Variants in SPNS1 observed in about 807,000 individuals in gnomAD.
SPNS1 encodes SPNS lysolipid transporter 1, lysophospholipid, also known as protein spinster homolog 1.
A neutral mutation model predicts 50.3 loss-of-function variants in SPNS1; 22 were observed. The ratio of observed to expected loss-of-function variants is 0.44; its 90% CI spans 0.31 to 0.62. SPNS1 has a LOEUF of 0.62. SPNS1 is among the 20% of genes least tolerant of loss of function. SPNS1 has a pLI of 0.07. For synonymous variants in SPNS1, 295 were observed against 317.4 expected (o/e 0.93, Z 0.75); for missense variants, 576 against 728.6 (o/e 0.79, Z 2.41).
At position 28,981,846 on chromosome 16, in the gene SPNS1, C is replaced by G; in HGVS notation, c.810-55C>G. 1.2e-6 allele frequency: 2 copies of G among 1,602,256 alleles called. No homozygotes were observed. The highest frequency in any genetic ancestry group is 1.7e-6 in the Non-Finnish European group (2 of 1,171,308). On this transcript the variant is annotated intron_variant, in intron 6 of 11. Transcript: ENST00000311008. The surrounding 1 kb of genome is among the most constrained non-coding windows in gnomAD (Gnocchi z 4.2). ...GCCAGGAAGGGAGAAGAGAGGTCCC[C>G]TCCTGCCTCGACACCTCCGTGGGGT...
Position 28,981,392 on chromosome 16 carries a change from T to G in SPNS1, c.664-78T>G. Reference sequence around the variant, plus strand: ...TTTTAGGTCTCAGGCTGGAGTTATCTGTACCCCACACTCTCCTCCAGCCCA... The same window carrying G: ...TTTTAGGTCTCAGGCTGGAGTTATCGGTACCCCACACTCTCCTCCAGCCCA... On this transcript the variant is annotated intron_variant, in intron 5 of 11. Coordinates refer to ENST00000311008, the MANE Select transcript of SPNS1 (RefSeq NM_032038.3). The surrounding 1 kb of genome is among the most constrained non-coding windows in gnomAD (Gnocchi z 4.2). The G allele has an allele frequency of 6.3e-7, 1 of 1,578,296 alleles. No individual in the cohort carries two copies.
intron 2 of SPNS1, among the ~76,000 whole-genome samples, chr16:28,976,211 G>T (rs1965337244): frequency 6.6e-6 from 1 of 152,222 alleles, no homozygotes; most frequent in South Asian, 2.1e-4. Context: ...GGCAGAGGTT[G>T]CAGTGAGCCG....
Position 28,975,385 on chromosome 16 carries a change from C to G in SPNS1, c.234C>G (p.Thr78=). ...INLLNYMDRF[T]VAGVLPDIEQ... ...TCCTGAACTACATGGACCGCTTCAC[C>G]GTGGCTGGTAGGGACTCACTTCTGG... The change falls in exon 1 of 12, where the codon ACC becomes ACG. Residue 78 remains threonine (T), a synonymous_variant. Transcript: ENST00000311008. The G allele has an allele frequency of 1.2e-6, 2 of 1,611,460 alleles. No homozygotes were observed. Among genetic ancestry groups the G allele is most frequent in the Non-Finnish European group, 1.7e-6 (2 of 1,178,138 alleles).
Position 28,982,526 on chromosome 16 carries a change from G to A in SPNS1, c.1136G>A (p.Gly379Asp). ...TTCCTGTCCCTTGCCTGCGCCCGTG[G>A]TAGCATCGTGGCCACTTATGTGAGT... The part of the protein sequence containing the change: ...FLFLSLACAR[G>D]SIVATYIFIF... The change falls in exon 8 of 12, where the codon GGT (glycine) becomes GAT (aspartate). Residue 379 changes from glycine (G) to aspartate (D), a missense_variant. By Grantham distance (94) the Gly-to-Asp change is moderately conservative. Coordinates refer to ENST00000311008, the MANE Select transcript of SPNS1 (RefSeq NM_032038.3). 4 of 1,610,194 alleles carry A rather than the reference G, an allele frequency of 2.5e-6. No individual in the cohort carries two copies. Among genetic ancestry groups the A allele is most frequent in the Non-Finnish European group, 3.4e-6 (4 of 1,178,058 alleles).
rs778869803 is a variant in SPNS1, at chr16:28,982,374, C to T, written c.984C>T (p.Ile328=). 5 of 1,599,356 alleles carry T rather than the reference C, an allele frequency of 3.1e-6. No individual in the cohort carries two copies. The highest frequency in any genetic ancestry group is 3.4e-6 in the Non-Finnish European group (4 of 1,171,150). ...CCCCTAGTCTCATCTTTGGACTCAT[C>T]ACCTGCCTGACCGGAGTCCTGGGTG... ...SSSDSLIFGL[I]TCLTGVLGVG... is the part of the protein sequence containing the mutation. Residue 328 remains isoleucine (I), a synonymous_variant, in exon 8 of 12, where the codon ATC becomes ATT. Transcript: ENST00000311008.
In SPNS1 at chr16:28,975,100, G is replaced by T; in HGVS notation, c.-52G>T. ...CTTTCTCCAGCCTCCTCCCCTCGCA[G>T]GTGGGATCGTCGGTGGGACCGGAGC... On this transcript the variant is annotated 5_prime_UTR_variant, in exon 1 of 12. In the 5' UTR this introduces an upstream ATG that the reference lacks. Transcript: ENST00000311008. 1 of 1,454,796 alleles carries T rather than the reference G, an allele frequency of 6.9e-7. No homozygotes were observed. Among genetic ancestry groups the T allele is most frequent in the Non-Finnish European group, 9.0e-7 (1 of 1,108,060 alleles). 90.1% of individuals were successfully genotyped at this position (1,454,796 alleles called of 1,614,324 possible).
chr16:28,978,984 C>T (rs1347568574), intron 3 of SPNS1, among the ~76,000 whole-genome samples, 171 bp from the exon 4 acceptor site: 2 of 152,112 alleles, frequency 1.3e-5, no homozygotes, highest in African/African-American at 2.4e-5. Context: ...AGTTATTTTC[C>T]CCAAATCGCA....
chr16:28,975,166 C>T lies in SPNS1; in HGVS notation c.15C>T (p.Asp5=). Residue 5 remains aspartate, a synonymous_variant, in exon 1 of 12, where the codon GAC becomes GAT. Coordinates refer to ENST00000311008, the MANE Select transcript of SPNS1 (RefSeq NM_032038.3). ...CCCCCGGGACCATGGCCGGGTCCGA[C>T]ACCGCGCCCTTCCTCAGCCAGGCGG... MAGS[D]TAPFLSQADD... is the part of the protein sequence containing the mutation. 1 of 1,488,632 alleles carries T rather than the reference C, an allele frequency of 6.7e-7. No individual in the cohort carries two copies. Among genetic ancestry groups the T allele is most frequent in the Non-Finnish European group, 8.9e-7 (1 of 1,120,778 alleles). 92.2% of individuals were successfully genotyped at this position (1,488,632 alleles called of 1,614,324 possible). A position where few individuals can be genotyped will look rare whatever the true frequency, so the allele number is the denominator to read the frequency against.
chr16:28,984,341 C>T lies in SPNS1; in HGVS notation c.*42C>T, dbSNP rs1359301332. ...TACCTGCACATCTGCCACAGCTGGC[C>T]CTGGGCCCACCCCACGAAGGGCCTG... On this transcript the variant is annotated 3_prime_UTR_variant, in exon 12 of 12. Transcript: ENST00000311008. The T allele has an allele frequency of 1.3e-6, 2 of 1,585,626 alleles. No homozygotes were observed. Among genetic ancestry groups the T allele is most frequent in the South Asian group, 1.1e-5 (1 of 89,638 alleles).
At chr16:28,984,011 C>T in intron 11 of SPNS1, 54 bp downstream of exon 11, 1 of 1,516,242 alleles carries the variant, frequency 6.6e-7, no homozygotes, top group Non-Finnish European at 8.8e-7. Flanking sequence ...TCTGTCTGTC[C>T]ATCTGTCTGC....
Position 28,984,262 on chromosome 16 carries a change from G to T in SPNS1, c.1550G>T (p.Arg517Leu). Residue 517 changes from arginine to leucine, a missense_variant, in exon 12 of 12, where the codon CGC becomes CTC. By Grantham distance (102) the Arg-to-Leu change is moderately radical. Around this residue, in one of 3 missense-constraint regions of SPNS1, gnomAD observed 428 missense variants for 520.1 expected, o/e 0.82. Coordinates refer to ENST00000311008, the MANE Select transcript of SPNS1 (RefSeq NM_032038.3). ...DDRIVVPQRG[R>L]STRVPVASVL... The stretch of plus-strand genomic sequence containing the variant: ...CGGATTGTGGTGCCCCAGCGGGGCC[G>T]CTCCACCCGCGTGCCCGTGGCCAGT... The T allele has an allele frequency of 6.2e-7, 1 of 1,612,072 alleles. No individual in the cohort carries two copies. Among genetic ancestry groups the T allele is most frequent in the Non-Finnish European group, 8.5e-7 (1 of 1,179,466 alleles).
In SPNS1 at chr16:28,974,821, G is replaced by A. The variant is rs1033990999; in HGVS notation, c.-331G>A. ...AACATGGCGGCTGCCGTGGTGCAGC[G>A]CCCGGGCTGAGCGACAGCAAGTGCA... On this transcript the variant is annotated 5_prime_UTR_variant, in exon 1 of 12. Transcript: ENST00000311008. 7.2e-6 allele frequency: 11 copies of A among 1,535,580 alleles called. No homozygotes were observed. The African/African-American group carries it at 1.2e-4, about 17-fold the overall frequency.
intron 11 of SPNS1, 94 bp from the exon 12 acceptor site, chr16:28,984,111 G>T (rs1424649370): frequency 5.5e-6 from 8 of 1,453,622 alleles, no homozygotes; most frequent in South Asian, 4.0e-5. Context: ...TGGCTCTGTG[G>T]CTGCCCCATC....
chr16:28,976,222 A>G (rs894471523), intron 2 of SPNS1, among the ~76,000 whole-genome samples: 1 of 152,160 alleles, frequency 6.6e-6, no homozygotes. Flanking sequence ...CAGTGAGCCG[A>G]GATCGCACCA....
rs1177187966 is a variant in SPNS1 at position 28,982,837 on chromosome 16, C to T, written c.1156-20C>T. The stretch of plus-strand genomic sequence containing the variant: ...TGTTAGCCCTTACTGTCATGAACCC[C>T]CGACCCTCTCTTCCCCCAGATTTTC... On this transcript the variant is annotated intron_variant, in intron 8 of 11. Transcript: ENST00000311008. 1.9e-6 allele frequency: 3 copies of T among 1,613,710 alleles called. No homozygotes were observed. The highest frequency in any genetic ancestry group is 2.5e-6 in the Non-Finnish European group (3 of 1,179,922).
rs1025550301 is a variant in SPNS1 at position 28,974,827 on chromosome 16, G to T, written c.-325G>T. The stretch of plus-strand genomic sequence containing the variant: ...GCGGCTGCCGTGGTGCAGCGCCCGG[G>T]CTGAGCGACAGCAAGTGCAGCGGGC... On this transcript the variant is annotated 5_prime_UTR_variant, in exon 1 of 12. Transcript: ENST00000311008. 9.4e-5 allele frequency: 144 copies of T among 1,535,600 alleles called. No homozygotes were observed. The highest frequency in any genetic ancestry group is 1.1e-4 in the Non-Finnish European group (130 of 1,146,586).
rs922097236 is a variant in SPNS1 at position 28,981,095 on chromosome 16, T to C, written c.664-375T>C. Among the ~76,000 whole-genome samples the C allele has an allele frequency of 3.3e-5, 5 of 152,186 alleles. No individual in the cohort carries two copies. The highest frequency in any genetic ancestry group is 1.2e-4 in the African/African-American group (5 of 41,444). On this transcript the variant is annotated intron_variant, in intron 5 of 11. Coordinates refer to ENST00000311008, the MANE Select transcript of SPNS1 (RefSeq NM_032038.3). The surrounding 1 kb of genome is among the most constrained non-coding windows in gnomAD (Gnocchi z 4.2). Reference sequence around the variant, plus strand: ...GCACCTTGGACCCTGGGGCCGTGTTTCCAGGATAGCGTCTGACTAGATGAA... The same window carrying C: ...GCACCTTGGACCCTGGGGCCGTGTTCCCAGGATAGCGTCTGACTAGATGAA...
chr16:28,981,478 G>A lies in SPNS1; in HGVS notation c.672G>A (p.Pro224=), dbSNP rs140779931. 24 of 1,613,944 alleles carry A rather than the reference G, an allele frequency of 1.5e-5. No individual in the cohort carries two copies. The highest frequency in any genetic ancestry group is 6.7e-5 in the Admixed American group (4 of 59,996). The change falls in exon 6 of 12, where the codon CCG becomes CCA. Residue 224 remains proline (P), a synonymous_variant. Coordinates refer to ENST00000311008, the MANE Select transcript of SPNS1 (RefSeq NM_032038.3). The surrounding 1 kb of genome is among the most constrained non-coding windows in gnomAD (Gnocchi z 4.2). ...AGCCCTCTGTCTCCCAGGTGACACC[G>A]GGTCTAGGAGTGGTGGCCGTTCTGC... ...GDWHWALRVT[P]GLGVVAVLLL...
chr16:28,977,280 A>G (rs756264849), intron 2 of SPNS1, among the ~76,000 whole-genome samples: 3 of 148,826 alleles, frequency 2.0e-5, no homozygotes, highest in Non-Finnish European at 4.4e-5. Flanking sequence ...GCGCCACAGC[A>G]CTCCAACCTG....
Sources: allele counts gnomAD v4.1 joint callset (sites outside exome capture counted in the v4.1 genomes callset), GRCh38; gene constraint gnomAD v4.1.1; regional missense constraint gnomAD v4.1.1; non-coding constraint Gnocchi (gnomAD v3.1); transcripts MANE v1.5; gene names NCBI Gene and HGNC (gene_info 2026-07-23, HGNC 2026-07-21).